Variants in ABCA5 observed in about 807,000 individuals in gnomAD.
ABCA5 encodes ATP binding cassette subfamily A member 5.
Under a neutral mutation model 206.0 loss-of-function variants are expected in ABCA5, and 163 were observed. The observed-to-expected ratio is 0.79, with a 90% confidence interval of 0.70 to 0.90. The LOEUF is 0.90. ABCA5 is among the 40% of genes least tolerant of loss of function. The pLI, the probability that ABCA5 is intolerant of heterozygous loss-of-function variation, is 0.00. For missense variants in ABCA5, 1,859 were observed against 1,912.9 expected, an observed-to-expected ratio of 0.97 and a Z score of 0.53; for synonymous variants, 609 against 613.8, an observed-to-expected ratio of 0.99 and a Z score of 0.11.
At chr17:69,255,940 T>C (rs1198170583) in intron 29 of ABCA5, 90 bp from the exon 30 acceptor site, 2 of 1,181,994 alleles carry the variant, frequency 1.7e-6, no homozygotes, top group African/African-American at 1.6e-5. Context: ...ATTACAAAAA[T>C]TATATTGGCT....
At chr17:69,316,144 C>T (rs2075813894) in intron 1 of ABCA5, among the ~76,000 whole-genome samples, 1 of 152,092 alleles carries the variant, frequency 6.6e-6, no homozygotes. Flanking sequence ...AGGCATTATC[C>T]AATCTGAACA....
At chr17:69,297,477 T>A in intron 9 of ABCA5, 118 bp from the exon 10 acceptor site, 1 of 828,522 alleles carries the variant, frequency 1.2e-6, no homozygotes. Context: ...GCAACATATA[T>A]ATATTTCCAA....
Position 69,287,810 on chromosome 17 carries a change from G to A in ABCA5, c.1903-59C>T, listed in dbSNP as rs933848737. ...CCTCAGAAAAACTAAATATTAAACA[G>A]GCATGTGGACACTAAAAAACTGCCC... On this transcript the variant is annotated intron_variant, in intron 14 of 38. Coordinates refer to ENST00000392676, the MANE Select transcript of ABCA5 (RefSeq NM_172232.4). The A allele has an allele frequency of 2.9e-5, 43 of 1,485,566 alleles. No homozygotes were observed. The East Asian group carries it at 9.9e-4, about 34-fold the overall frequency. The allele number at this position is 1,485,566 out of a possible 1,614,324, so 92.0% of individuals were successfully genotyped here.
chr17:69,276,665 C>G (rs904908572), intron 19 of ABCA5, among the ~76,000 whole-genome samples: 1 of 151,988 alleles, frequency 6.6e-6, no homozygotes, highest in Non-Finnish European at 1.5e-5. Flanking sequence ...AGGGTTGGGA[C>G]TGGGGAGGGA....
Position 69,251,868 on chromosome 17 carries a change from T to C in ABCA5, c.4416-2A>G. 6.2e-7 allele frequency: 1 copy of C among 1,610,692 alleles called. No homozygotes were observed. Among genetic ancestry groups the C allele is most frequent in the South Asian group, 1.1e-5 (1 of 89,970 alleles). On this transcript the variant is annotated splice_acceptor_variant, in intron 34 of 38. Transcript: ENST00000392676. LOFTEE classifies it high-confidence loss of function. ...TTAAATGCAGTTCGAATTGCTCGCC[T>C]ATAAAACATAAATAAAACAAAAAGA...
chr17:69,247,935 A>G (rs540022174), intron 38 of ABCA5, among the ~76,000 whole-genome samples: 1 of 152,240 alleles, frequency 6.6e-6, no homozygotes, highest in South Asian at 2.1e-4. Context: ...CTTTCTTTAC[A>G]AAATGAAAAA....
chr17:69,294,351 C>T (rs930826783), intron 11 of ABCA5, among the ~76,000 whole-genome samples: 2 of 151,790 alleles, frequency 1.3e-5, no homozygotes, highest in African/African-American at 2.4e-5. Context: ...GGTGAAACCC[C>T]GTCTCCACAA....
chr17:69,260,105 A>AC (rs2075130441), intron 27 of ABCA5, among the ~76,000 whole-genome samples: 1 of 151,918 alleles, frequency 6.6e-6, no homozygotes, highest in Non-Finnish European at 1.5e-5. Context: ...ACAGAACTGT[A>AC]ATTAAACAGA....
rs1365662377 is a variant in ABCA5 at position 69,247,352 on chromosome 17, A to T, written c.*185T>A. 6 of 522,484 alleles carry T rather than the reference A, an allele frequency of 1.1e-5. No homozygotes were observed. Among genetic ancestry groups the T allele is most frequent in the African/African-American group, 2.0e-5 (1 of 50,980 alleles). The allele number at this position is 522,484 out of a possible 1,614,324, so 32.4% of individuals were successfully genotyped here. A position where few individuals can be genotyped will look rare whatever the true frequency, so the allele number is the denominator to read the frequency against. On this transcript the variant is annotated 3_prime_UTR_variant, in exon 39 of 39. Transcript: ENST00000392676. ...TACAAACATGCAGCTTCACTTAATT[A>T]TACATACGTTTTATTTAAAGAAAAG...
intron 5 of ABCA5, 122 bp downstream of exon 5, chr17:69,308,158 T>A: frequency 2.3e-6 from 1 of 438,660 alleles, no homozygotes; most frequent in Non-Finnish European, 4.0e-6. Flanking sequence ...CTCAAAGGAG[T>A]TGTAGTAGGT....
At chr17:69,293,878 G>C (rs890593474) in intron 11 of ABCA5, among the ~76,000 whole-genome samples, 14 of 120,020 alleles carry the variant, frequency 1.2e-4, no homozygotes, top group Non-Finnish European at 2.2e-4. Context: ...GTGTGCGTGT[G>C]TGTGTGTTTG....
At position 69,287,758 on chromosome 17, in the gene ABCA5, G is replaced by A; in HGVS notation, c.1903-7C>T. Reference sequence around the variant, plus strand: ...GTTCATCTAGCAGCAGTATCTGTGTGAAAAGAGGTGAAGAAGGGCAGGGAA... The same window carrying A: ...GTTCATCTAGCAGCAGTATCTGTGTAAAAAGAGGTGAAGAAGGGCAGGGAA... On this transcript the variant is annotated splice_polypyrimidine_tract_variant and splice_region_variant and intron_variant, in intron 14 of 38. Transcript: ENST00000392676. 1 of 1,609,670 alleles carries A rather than the reference G, an allele frequency of 6.2e-7. No individual in the cohort carries two copies. Among genetic ancestry groups the A allele is most frequent in the Non-Finnish European group, 8.5e-7 (1 of 1,178,130 alleles).
At chr17:69,262,066 T>C (rs1471189269) in intron 24 of ABCA5, among the ~76,000 whole-genome samples, 1 of 152,156 alleles carries the variant, frequency 6.6e-6, no homozygotes, top group Non-Finnish European at 1.5e-5. Context: ...TTATGATCTC[T>C]GACAAAATCG....
At chr17:69,286,132 T>C (rs2144972658) in intron 16 of ABCA5, 89 bp downstream of exon 16, 1 of 1,546,396 alleles carries the variant, frequency 6.5e-7, no homozygotes, top group South Asian at 1.2e-5. Flanking sequence ...CCATAAATGA[T>C]GGTCAAAGCA....
intron 20 of ABCA5, among the ~76,000 whole-genome samples, chr17:69,272,480 C>A (rs1184360259): frequency 1.3e-5 from 2 of 150,572 alleles, no homozygotes; most frequent in Admixed American, 6.6e-5. Context: ...TAACTCAAAG[C>A]AAAAAGATAT....
At chr17:69,247,799 CAA>C (rs1013296171) in intron 38 of ABCA5, among the ~76,000 whole-genome samples, 155 bp from the exon 39 acceptor site, 3 of 151,890 alleles carry the variant, frequency 2.0e-5, no homozygotes, top group Non-Finnish European at 4.4e-5. Flanking sequence ...AGATTATTTT[CAA>C]AAGTTACATG....
intron 34 of ABCA5, 47 bp from the exon 35 acceptor site, chr17:69,251,913 T>TAAA (rs201178598): frequency 1.3e-6 from 2 of 1,558,292 alleles, no homozygotes; most frequent in Non-Finnish European, 1.7e-6. Context: ...ATCTGTTTGT[T>TAAA]AAAAAAAAAT....
chr17:69,247,668 T>C (rs2074966612), intron 38 of ABCA5, 24 bp from the exon 39 acceptor site: 1 of 1,415,030 alleles, frequency 7.1e-7, no homozygotes, highest in African/African-American at 1.4e-5. Context: ...AATAAATGAA[T>C]ACAGTATGCT....
rs1333792020 is a variant in ABCA5 at position 69,261,714 on chromosome 17, A to G, written c.3350T>C (p.Ile1117Thr). 5 of 1,503,220 alleles carry G rather than the reference A, an allele frequency of 3.3e-6. No individual in the cohort carries two copies. Among genetic ancestry groups the G allele is most frequent in the Non-Finnish European group, 4.5e-6 (5 of 1,123,524 alleles). 93.1% of individuals were successfully genotyped at this position (1,503,220 alleles called of 1,614,324 possible). The change falls in exon 25 of 39, where the codon ATT becomes ACT. Residue 1117 changes from isoleucine to threonine, a missense_variant. Coordinates refer to ENST00000392676, the MANE Select transcript of ABCA5 (RefSeq NM_172232.4). ...FCLIGYVPSV[I>T]LFTYIASFTF... is the part of the protein sequence containing the mutation. ...GAAAGAAGCAATATAAGTGAACAGA[A>G]TAACTGATGGAACATAACCAATAAG...
Sources: gnomAD v4.1 joint callset for allele counts (sites outside exome capture counted in the v4.1 genomes callset) on GRCh38, gnomAD v4.1.1 for gene constraint, MANE v1.5 for transcripts, NCBI Gene and HGNC (gene_info 2026-07-23, HGNC 2026-07-21) for gene names.